The following OGFOD3 variants were observed in gnomAD, a reference collection of about 807,000 sequenced individuals.
OGFOD3 encodes the protein 2-oxoglutarate and iron dependent oxygenase domain containing 3.
In OGFOD3, 35 loss-of-function variants were observed where a neutral mutation model predicts 39.8. The ratio of observed to expected loss-of-function variants is 0.88; its 90% CI spans 0.67 to 1.17. OGFOD3 has a LOEUF of 1.17. Ranked by LOEUF, OGFOD3 falls within the 50% of genes most tolerant of loss-of-function variation. The pLI is 0.00. For synonymous variants in OGFOD3, 200 were observed against 192.0 expected, an observed-to-expected ratio of 1.04 and a Z score of -0.34; for missense variants, 438 against 454.5, an observed-to-expected ratio of 0.96 and a Z score of 0.33.
chr17:82,393,545 C>T (rs1189585037), intron 8 of OGFOD3: 6 of 152,250 alleles, frequency 3.9e-5, no homozygotes, highest in African/African-American at 1.2e-4. Flanking sequence ...CCGATCTTTC[C>T]CGGACCGTGT....
intron 2 of OGFOD3, among the ~76,000 whole-genome samples, chr17:82,413,700 G>A (rs989142793): frequency 5.9e-5 from 9 of 151,844 alleles, no homozygotes; most frequent in African/African-American, 2.2e-4. Context: ...GCAAAACACC[G>A]TCTCTACTAA....
At chr17:82,410,710 CTTTTTTT>C (rs71168106) in intron 3 of OGFOD3, among the ~76,000 whole-genome samples, 42 of 91,742 alleles carry the variant, frequency 4.6e-4, no homozygotes, top group Admixed American at 1.2e-3. Context: ...GCACATAATT[CTTTTTTT>C]TTTTTTTTTT....
chr17:82,395,204 G>C (rs531497045), intron 8 of OGFOD3, among the ~76,000 whole-genome samples: 21 of 152,156 alleles, frequency 1.4e-4, no homozygotes, highest in African/African-American at 4.6e-4. Context: ...GCTGCTTTTT[G>C]TATTTTTTGT....
chr17:82,401,596 G>T (rs908697518), intron 7 of OGFOD3, among the ~76,000 whole-genome samples: 1 of 151,158 alleles, frequency 6.6e-6, no homozygotes, highest in Non-Finnish European at 1.5e-5. Context: ...CTGAGGTCAG[G>T]AGTTCGAGAC....
At position 82,406,269 on chromosome 17, in the gene OGFOD3, G is replaced by A. The variant is rs924145775; in HGVS notation, c.488+149C>T. The A allele has an allele frequency of 1.3e-5, 9 of 695,220 alleles. No individual in the cohort carries two copies. Among genetic ancestry groups the A allele is most frequent in the East Asian group, 2.7e-5 (1 of 37,328 alleles). 43.1% of individuals were successfully genotyped at this position (695,220 alleles called of 1,614,324 possible). ...CGTCCCAAAGAACCAGGAAGGACCC[G>A]GCCAACATCACAGCCACTGAGGCCC... On this transcript the variant is annotated intron_variant, in intron 5 of 8. Coordinates refer to ENST00000313056, the MANE Select transcript of OGFOD3 (RefSeq NM_024648.3). This position sits in a 1 kb window ranked among gnomAD's most constrained non-coding sequence, Gnocchi z 5.2.
chr17:82,415,549 AGCCCCCAGGCCC>A lies in OGFOD3; in HGVS notation c.141_152del (p.Leu49_Gly52del). The stretch of plus-strand genomic sequence containing the variant: ...GCAGGAGTGCGGTGAGCACAAAGCC[AGCCCCCAGGCCC>A]GCGGTCCTTAGCCACGGCCTCTGCC... On this transcript the variant is annotated inframe_deletion, in exon 2 of 9. Transcript: ENST00000313056. The surrounding 1 kb of genome is among the most constrained non-coding windows in gnomAD (Gnocchi z 5.3). The A allele has an allele frequency of 6.2e-7, 1 of 1,613,554 alleles. No homozygotes were observed. The highest frequency in any genetic ancestry group is 8.5e-7 in the Non-Finnish European group (1 of 1,179,948).
At chr17:82,411,968 A>C (rs544275508) in intron 2 of OGFOD3, among the ~76,000 whole-genome samples, 1 of 151,448 alleles carries the variant, frequency 6.6e-6, no homozygotes, top group Non-Finnish European at 1.5e-5. Context: ...TCCTGAGGCC[A>C]CCAGAGGGGG....
intron 7 of OGFOD3, chr17:82,400,787 A>G (rs553539101): frequency 1.1e-4 from 16 of 152,342 alleles, no homozygotes; most frequent in African/African-American, 3.8e-4. Context: ...AGCTCCCCAC[A>G]GAACACCACG....
rs2052598451 is a variant in OGFOD3, at chr17:82,391,703, G to A, written c.*695C>T. 1 of 152,564 alleles carries A rather than the reference G, an allele frequency of 6.6e-6. No individual in the cohort carries two copies. The highest frequency in any genetic ancestry group is 2.4e-5 in the African/African-American group (1 of 41,464). 9.5% of individuals were successfully genotyped at this position (152,564 alleles called of 1,614,324 possible). On this transcript the variant is annotated 3_prime_UTR_variant, in exon 9 of 9. Transcript: ENST00000313056. This position sits in a 1 kb window ranked among gnomAD's most constrained non-coding sequence, Gnocchi z 5.1. ...CAGAAGGCCCATGGGAGCCGGCACA[G>A]CGACGCCAAGAGCCTCCTTGGTGAG... is the stretch of plus-strand genomic sequence containing the variant.
intron 4 of OGFOD3, among the ~76,000 whole-genome samples, chr17:82,407,409 G>A (rs1046089072): frequency 2.0e-5 from 3 of 152,238 alleles, no homozygotes; most frequent in Non-Finnish European, 2.9e-5. Context: ...GTGGGCAAGT[G>A]TTGACTTCTC....
In OGFOD3 at chr17:82,404,635, G is replaced by T. The variant is rs1416553854; in HGVS notation, c.546-545C>A. Reference sequence around the variant, plus strand: ...TGGGTGGGCATGGGCCCATGTGGGGGGCTCGAGGGGGGTCACTCATGTGTC... The same window carrying T: ...TGGGTGGGCATGGGCCCATGTGGGGTGCTCGAGGGGGGTCACTCATGTGTC... On this transcript the variant is annotated intron_variant, in intron 6 of 8. Coordinates refer to ENST00000313056, the MANE Select transcript of OGFOD3 (RefSeq NM_024648.3). The surrounding 1 kb of genome is among the most constrained non-coding windows in gnomAD (Gnocchi z 4.5). 6.6e-6 allele frequency among the ~76,000 whole-genome samples: 1 copy of T among 152,108 alleles called. No individual in the cohort carries two copies. The highest frequency in any genetic ancestry group is 2.4e-5 in the African/African-American group (1 of 41,426).
chr17:82,397,170 T>C (rs917296279), intron 8 of OGFOD3, among the ~76,000 whole-genome samples: 1 of 151,816 alleles, frequency 6.6e-6, no homozygotes, highest in Non-Finnish European at 1.5e-5. Context: ...AACAGGAATC[T>C]CAAAATAAAC....
At position 82,392,200 on chromosome 17, in the gene OGFOD3, C is replaced by T. The variant is rs754697830; in HGVS notation, c.*198G>A. 3.0e-6 allele frequency: 2 copies of T among 665,160 alleles called. No individual in the cohort carries two copies. The highest frequency in any genetic ancestry group is 5.0e-6 in the Non-Finnish European group (2 of 398,784). The allele number at this position is 665,160 out of a possible 1,614,324, so 41.2% of individuals were successfully genotyped here. ...GGCTCCCAGGCCTACAGCCCAAGCA[C>T]ACATGATGCTGGAGAAGTGAAAAGC... On this transcript the variant is annotated 3_prime_UTR_variant, in exon 9 of 9. Transcript: ENST00000313056. The surrounding 1 kb of genome is among the most constrained non-coding windows in gnomAD (Gnocchi z 4.2).
chr17:82,393,971 T>C (rs1286667337), intron 8 of OGFOD3: 1 of 152,238 alleles, frequency 6.6e-6, no homozygotes, highest in Non-Finnish European at 1.4e-5. Flanking sequence ...ATGAGATCAA[T>C]ACGGGGCCAG....
rs2053021609 is a variant in OGFOD3 at position 82,415,656 on chromosome 17, C to A, written c.75-29G>T. 11 of 1,575,506 alleles carry A rather than the reference C, an allele frequency of 7.0e-6. No individual in the cohort carries two copies. Among genetic ancestry groups the A allele is most frequent in the African/African-American group, 1.4e-5 (1 of 73,930 alleles). On this transcript the variant is annotated intron_variant, in intron 1 of 8. Transcript: ENST00000313056. This position sits in a 1 kb window ranked among gnomAD's most constrained non-coding sequence, Gnocchi z 5.3. Reference sequence around the variant, plus strand: ...AGAACAGAAAACAGGCCACGTCACCCAAACACGGAGTGAGGCCAGAGAAAA... The same window carrying A: ...AGAACAGAAAACAGGCCACGTCACCAAAACACGGAGTGAGGCCAGAGAAAA...
intron 3 of OGFOD3, among the ~76,000 whole-genome samples, chr17:82,411,188 A>C (rs1234119039): frequency 1.3e-5 from 2 of 151,170 alleles, no homozygotes; most frequent in East Asian, 3.9e-4. Flanking sequence ...CTGGGACTAC[A>C]GGCACATGCC....
intron 2 of OGFOD3, among the ~76,000 whole-genome samples, chr17:82,413,469 G>A (rs1278290750): frequency 2.6e-5 from 4 of 152,182 alleles, no homozygotes; most frequent in Non-Finnish European, 2.9e-5. Flanking sequence ...GCACACGAGC[G>A]TGGGTCAGGA....
chr17:82,413,403 C>T (rs756629173), intron 2 of OGFOD3, among the ~76,000 whole-genome samples: 11 of 152,262 alleles, frequency 7.2e-5, no homozygotes, highest in African/African-American at 1.4e-4. Flanking sequence ...GAGGTTCTGA[C>T]GCCCCTTTCC....
In OGFOD3 at chr17:82,412,373, TG is replaced by T. The variant is rs1201465790; in HGVS notation, c.305-844del. 2.5e-3 allele frequency among the ~76,000 whole-genome samples: 117 copies of T among 45,982 alleles called. 3 individuals are homozygous for T. The highest frequency in any genetic ancestry group is 5.0e-3 in the African/African-American group (57 of 11,400). 30.2% of individuals were successfully genotyped at this position (45,982 alleles called of 152,430 possible). A position where few individuals can be genotyped will look rare whatever the true frequency, so the allele number is the denominator to read the frequency against. On this transcript the variant is annotated intron_variant, in intron 2 of 8. Coordinates refer to ENST00000313056, the MANE Select transcript of OGFOD3 (RefSeq NM_024648.3). The stretch of plus-strand genomic sequence containing the variant: ...GGGCATGGTTATCGGGGCAGGGGCA[TG>T]GTTATCGGGGCAGGGGCATGGTTAT...
Sources: allele counts gnomAD v4.1 joint callset (sites outside exome capture counted in the v4.1 genomes callset), GRCh38; gene constraint gnomAD v4.1.1; non-coding constraint Gnocchi (gnomAD v3.1); transcripts MANE v1.5; gene names NCBI Gene and HGNC (gene_info 2026-07-23, HGNC 2026-07-21).